The following PRELID2 variants were observed in gnomAD, a reference collection of about 807,000 sequenced individuals.
PRELID2 encodes the protein PRELI domain containing 2.
A neutral mutation model predicts 28.4 loss-of-function variants in PRELID2; 25 were observed. The ratio of observed to expected loss-of-function variants is 0.88; its 90% CI spans 0.64 to 1.23. PRELID2 has a LOEUF of 1.23. PRELID2 is among the 50% of genes most tolerant of loss of function. The pLI, the probability that PRELID2 is intolerant of heterozygous loss-of-function variation, is 0.00. For synonymous variants in PRELID2, 76 were observed against 71.6 expected, an observed-to-expected ratio of 1.06 and a Z score of -0.31; for missense variants, 201 against 214.4, an observed-to-expected ratio of 0.94 and a Z score of 0.39.
chr5:145,392,278 G>A, the PRELID2 span, among the ~76,000 whole-genome samples: 1 of 138,334 alleles, frequency 7.2e-6, no homozygotes, highest in African/African-American at 2.6e-5. Flanking sequence ...TGACAGAAAG[G>A]GAAGCAAACA....
At chr5:145,447,594 T>C in the PRELID2 span, among the ~76,000 whole-genome samples, 8 of 131,496 alleles carry the variant, frequency 6.1e-5, no homozygotes, top group African/African-American at 2.3e-4. Context: ...TAGCATTAGG[T>C]ATATCTCCCG....
At chr5:145,341,025 A>C in the PRELID2 span, among the ~76,000 whole-genome samples, 2 of 151,808 alleles carry the variant, frequency 1.3e-5, no homozygotes, top group East Asian at 1.9e-4. Context: ...TCATACAGAG[A>C]TCACACTACT....
chr5:145,249,291 C>T, the PRELID2 span, among the ~76,000 whole-genome samples: 1 of 152,084 alleles, frequency 6.6e-6, no homozygotes, highest in African/African-American at 2.4e-5. Context: ...TTTTTCTATG[C>T]TTCTGCAAAT....
chr5:145,303,581 GAC>G, the PRELID2 span, among the ~76,000 whole-genome samples: 2,289 of 152,244 alleles, frequency 0.015, 61 homozygotes, highest in African/African-American at 0.052. Flanking sequence ...ATAGAAATTT[GAC>G]AGTTATGATT....
At chr5:145,708,567 G>T (rs911165043) in intron 1 of PRELID2, among the ~76,000 whole-genome samples, 7 of 151,956 alleles carry the variant, frequency 4.6e-5, no homozygotes, top group African/African-American at 7.3e-5. Flanking sequence ...TAGGAAAAAA[G>T]ATTTATTTTC....
intron 4 of PRELID2, among the ~76,000 whole-genome samples, chr5:145,807,283 C>A (rs1233851531): frequency 6.6e-6 from 1 of 152,136 alleles, no homozygotes; most frequent in Non-Finnish European, 1.5e-5. Context: ...CTTATGTCAT[C>A]GAATGCTCTC....
At chr5:145,826,606 TG>T (rs1442291892) in intron 1 of PRELID2, among the ~76,000 whole-genome samples, 2 of 152,210 alleles carry the variant, frequency 1.3e-5, no homozygotes, top group Non-Finnish European at 2.9e-5. Context: ...ATATATCATA[TG>T]TATGTAACAG....
intron 1 of PRELID2, among the ~76,000 whole-genome samples, chr5:145,638,754 G>A (rs1754045965): frequency 6.6e-6 from 1 of 152,202 alleles, no homozygotes; most frequent in Non-Finnish European, 1.5e-5. Context: ...ATCATGATAT[G>A]ATCTCTGGCA....
At chr5:145,725,782 T>C (rs915157964) in intron 1 of PRELID2, among the ~76,000 whole-genome samples, 3 of 152,208 alleles carry the variant, frequency 2.0e-5, no homozygotes, top group Non-Finnish European at 4.4e-5. Flanking sequence ...AATGATTATA[T>C]CTCAACAGGC....
the PRELID2 span, among the ~76,000 whole-genome samples, chr5:145,371,876 T>C: frequency 2.3e-3 from 220 of 94,838 alleles, 4 homozygotes; most frequent in East Asian, 0.078. Context: ...AGTGGTCTAT[T>C]TTGTTAATTT....
At chr5:145,803,267 T>C (rs912128182) in intron 4 of PRELID2, among the ~76,000 whole-genome samples, 4 of 152,184 alleles carry the variant, frequency 2.6e-5, no homozygotes, top group Non-Finnish European at 4.4e-5. Flanking sequence ...GCAGACTATG[T>C]AGTCTCTCCC....
chr5:145,567,695 T>A (rs1028050385), intron 1 of PRELID2, among the ~76,000 whole-genome samples: 9 of 152,122 alleles, frequency 5.9e-5, no homozygotes, highest in African/African-American at 2.2e-4. Flanking sequence ...TGGTTTTATG[T>A]GTCTGGCACT....
intron 5 of PRELID2, among the ~76,000 whole-genome samples, chr5:145,778,435 C>T (rs1758555718): frequency 6.6e-6 from 1 of 152,220 alleles, no homozygotes; most frequent in Non-Finnish European, 1.5e-5. Flanking sequence ...TCCCTCTGAG[C>T]TGTTCTATCA....
At chr5:145,638,591 G>A (rs1484148261) in intron 1 of PRELID2, among the ~76,000 whole-genome samples, 1 of 152,204 alleles carries the variant, frequency 6.6e-6, no homozygotes, top group African/African-American at 2.4e-5. Context: ...AACAGTGTTT[G>A]TTGAGTGAGT....
chr5:145,818,417 A>G (rs1490747979), intron 3 of PRELID2, among the ~76,000 whole-genome samples: 2 of 152,308 alleles, frequency 1.3e-5, no homozygotes, highest in South Asian at 2.1e-4. Flanking sequence ...ATGCAGAACA[A>G]TATCAGGTAA....
Position 145,669,987 on chromosome 5 carries a change from T to C in PRELID2, n.70+94944A>G, listed in dbSNP as rs540254131. Among the ~76,000 whole-genome samples the C allele has an allele frequency of 3.3e-5, 5 of 152,280 alleles. No homozygotes were observed. In the East Asian group the frequency reaches 7.7e-4, roughly 23 times the overall value. On this transcript the variant is annotated intron_variant and non_coding_transcript_variant, in intron 1 of 2. Coordinates refer to the PRELID2 transcript ENST00000510259. Reference sequence around the variant, plus strand: ...TGAACTATTATACTCACTGACCAGTTTCATTTTCTATTTATTTGAGAGGTT... The same window carrying C: ...TGAACTATTATACTCACTGACCAGTCTCATTTTCTATTTATTTGAGAGGTT...
At chr5:145,817,176 G>C (rs1163918129) in intron 4 of PRELID2, among the ~76,000 whole-genome samples, 1 of 105,182 alleles carries the variant, frequency 9.5e-6, no homozygotes, top group Non-Finnish European at 2.0e-5. Flanking sequence ...AGGTGACAGA[G>C]CAAGACTGCA....
At chr5:145,318,304 C>A in the PRELID2 span, among the ~76,000 whole-genome samples, 3 of 152,238 alleles carry the variant, frequency 2.0e-5, no homozygotes, top group Non-Finnish European at 2.9e-5. Context: ...TGTCAGCCAC[C>A]CTTTTCCACA....
chr5:145,451,441 A>T, the PRELID2 span, among the ~76,000 whole-genome samples: 4 of 152,160 alleles, frequency 2.6e-5, no homozygotes, highest in Non-Finnish European at 4.4e-5. Context: ...TAACCAGAAC[A>T]CATGCCTAGA....
Sources: gnomAD v4.1 joint callset for allele counts (sites outside exome capture counted in the v4.1 genomes callset) on GRCh38, gnomAD v4.1.1 for gene constraint, MANE v1.5 for transcripts, NCBI Gene and HGNC (gene_info 2026-07-23, HGNC 2026-07-21) for gene names.